The following GPC5 variants were observed in gnomAD, a reference collection of about 807,000 sequenced individuals.
GPC5 encodes glypican 5, also known as glypican-5.
In GPC5, 47 loss-of-function variants were observed where a neutral mutation model predicts 53.9. The observed-to-expected ratio is 0.87, with a 90% CI of 0.69 to 1.11. GPC5 has a LOEUF of 1.11. Ranked by LOEUF, GPC5 falls within the 50% of genes most tolerant of loss-of-function variation. GPC5 has a pLI of 0.00. For synonymous variants in GPC5, 286 were observed against 263.3 expected (o/e 1.09, Z -0.84); for missense variants, 748 against 713.1 (o/e 1.05, Z -0.56).
intron 7 of GPC5, among the ~76,000 whole-genome samples, chr13:92,406,512 A>C (rs1379458370): frequency 6.6e-6 from 1 of 152,186 alleles, no homozygotes. Flanking sequence ...TCAGTTCATG[A>C]AGATTTTTCT....
At chr13:91,705,702 C>G (rs941811417) in intron 3 of GPC5, among the ~76,000 whole-genome samples, 4 of 149,736 alleles carry the variant, frequency 2.7e-5, no homozygotes, top group African/African-American at 7.4e-5. Context: ...CACCCCCCCC[C>G]CCATATTTCC....
intron 6 of GPC5, among the ~76,000 whole-genome samples, chr13:92,003,035 GCA>G (rs2040569915): frequency 6.6e-6 from 1 of 152,086 alleles, no homozygotes; most frequent in South Asian, 2.1e-4. Context: ...ACCTGGCCAG[GCA>G]CAGTGGCTCA....
At chr13:92,297,696 A>C (rs551778724) in intron 7 of GPC5, among the ~76,000 whole-genome samples, 1 of 152,118 alleles carries the variant, frequency 6.6e-6, no homozygotes, top group Non-Finnish European at 1.5e-5. Context: ...CTGACAAAAC[A>C]GGCCTCTCGG....
intron 2 of GPC5, among the ~76,000 whole-genome samples, chr13:91,506,965 T>C (rs1191890384): frequency 2.6e-5 from 4 of 152,182 alleles, no homozygotes; most frequent in African/African-American, 9.6e-5. Flanking sequence ...AAAACATAAG[T>C]CCCAATGCCC....
intron 2 of GPC5, among the ~76,000 whole-genome samples, chr13:91,666,031 T>G (rs2035103918): frequency 6.6e-6 from 1 of 152,254 alleles, no homozygotes; most frequent in Non-Finnish European, 1.5e-5. Context: ...CGATGCTCAC[T>G]ACTTTTTCAA....
At chr13:92,840,339 T>C (rs1878394047) in intron 7 of GPC5, among the ~76,000 whole-genome samples, 1 of 151,822 alleles carries the variant, frequency 6.6e-6, no homozygotes, top group South Asian at 2.1e-4. Flanking sequence ...AGTGCTGCTA[T>C]GAACATGGTT....
At position 91,856,678 on chromosome 13, in the gene GPC5, T is replaced by G. The variant is rs200307673; in HGVS notation, c.1281-51259T>G. Among the ~76,000 whole-genome samples the G allele has an allele frequency of 1.6e-4, 24 of 151,568 alleles. No individual in the cohort carries two copies. In the East Asian group the frequency reaches 4.6e-3, roughly 29 times the overall value. The stretch of plus-strand genomic sequence containing the variant: ...TGATGTGTAGGATTTCTTTACATAC[T>G]CAAGCTCTTTTTCAGGTATATGTAT... On this transcript the variant is annotated intron_variant, in intron 5 of 7. Transcript: ENST00000377067.
rs1422477625 is a variant in GPC5 at position 91,920,924 on chromosome 13, CTCTTTTTTTTTTTTTTTTTT to C, written c.1401+12869_1401+12888del. On this transcript the variant is annotated intron_variant, in intron 6 of 7. Coordinates refer to ENST00000377067, the MANE Select transcript of GPC5 (RefSeq NM_004466.6). ...TTTTTAAATCTCTCTCTCTCTCTCTCTCTTTTTTTTTTTTTTTTTTTTTTTTTTTTTGAGATAGAGTTTCT... is the reference window on the plus strand; with the variant it reads ...TTTTTAAATCTCTCTCTCTCTCTCTCTTTTTTTTTTTGAGATAGAGTTTCT... Among the ~76,000 whole-genome samples, 19 of 59,588 alleles carry C rather than the reference CTCTTTTTTTTTTTTTTTTTT, an allele frequency of 3.2e-4. No homozygotes were observed. The Admixed American group carries it at 3.6e-3, about 11-fold the overall frequency. 39.1% of individuals were successfully genotyped at this position (59,588 alleles called of 152,430 possible).
At chr13:91,599,278 G>A (rs567660202) in intron 2 of GPC5, among the ~76,000 whole-genome samples, 1 of 151,894 alleles carries the variant, frequency 6.6e-6, no homozygotes, top group South Asian at 2.1e-4. Flanking sequence ...CCCTCATCTT[G>A]TTGCATCTTA....
chr13:92,590,922 G>C (rs539893326), intron 7 of GPC5, among the ~76,000 whole-genome samples: 3 of 152,310 alleles, frequency 2.0e-5, no homozygotes, highest in African/African-American at 7.2e-5. Context: ...TTCTAGGCAT[G>C]TGCCCTGGCC....
At chr13:92,516,447 T>C (rs1032062134) in intron 7 of GPC5, among the ~76,000 whole-genome samples, 5 of 152,196 alleles carry the variant, frequency 3.3e-5, no homozygotes, top group Non-Finnish European at 5.9e-5. Context: ...TTCTTCCTGC[T>C]AGAGTCAAAA....
intron 7 of GPC5, among the ~76,000 whole-genome samples, chr13:92,374,880 TA>T (rs201086148): frequency 2.9e-4 from 39 of 135,036 alleles, no homozygotes; most frequent in African/African-American, 8.0e-4. Flanking sequence ...AAAAAAAAAA[TA>T]AAAAAAAAAG....
At chr13:91,559,985 A>G (rs2031171876) in intron 2 of GPC5, among the ~76,000 whole-genome samples, 1 of 152,142 alleles carries the variant, frequency 6.6e-6, no homozygotes, top group Non-Finnish European at 1.5e-5. Flanking sequence ...GTACTAGACT[A>G]AAGAGGCCAG....
intron 7 of GPC5, among the ~76,000 whole-genome samples, chr13:92,177,361 A>G (rs1211044355): frequency 6.6e-6 from 1 of 152,174 alleles, no homozygotes; most frequent in Non-Finnish European, 1.5e-5. Flanking sequence ...TATATTTTCA[A>G]AGGTGTGTTA....
chr13:92,615,426 T>C (rs1434739840), intron 7 of GPC5, among the ~76,000 whole-genome samples: 1 of 152,102 alleles, frequency 6.6e-6, no homozygotes, highest in African/African-American at 2.4e-5. Flanking sequence ...CTATAGAACA[T>C]GTGGTTTAGC....
intron 7 of GPC5, among the ~76,000 whole-genome samples, chr13:92,616,168 C>A (rs991427589): frequency 6.6e-6 from 1 of 152,078 alleles, no homozygotes; most frequent in Admixed American, 6.5e-5. Flanking sequence ...TATTTTTCCC[C>A]AGTAAAATAG....
At chr13:91,517,379 C>A (rs942714169) in intron 2 of GPC5, among the ~76,000 whole-genome samples, 1 of 152,166 alleles carries the variant, frequency 6.6e-6, no homozygotes, top group African/African-American at 2.4e-5. Flanking sequence ...AGGGCAGGGG[C>A]AAAATGCTGC....
intron 7 of GPC5, among the ~76,000 whole-genome samples, chr13:92,720,787 G>A (rs990006231): frequency 7.2e-5 from 11 of 152,066 alleles, no homozygotes; most frequent in African/African-American, 2.7e-4. Flanking sequence ...ACAGAAGATG[G>A]CAAACTTGTG....
At chr13:92,532,385 T>C (rs933559037) in intron 7 of GPC5, among the ~76,000 whole-genome samples, 4 of 151,848 alleles carry the variant, frequency 2.6e-5, no homozygotes, top group Non-Finnish European at 4.4e-5. Flanking sequence ...CTAGGAGGAG[T>C]AGATGATCAT....
Sources: allele counts gnomAD v4.1 joint callset (sites outside exome capture counted in the v4.1 genomes callset), GRCh38; gene constraint gnomAD v4.1.1; transcripts MANE v1.5; gene names NCBI Gene and HGNC (gene_info 2026-07-23, HGNC 2026-07-21).